The following TPX2 variants were observed in gnomAD, a reference collection of about 807,000 sequenced individuals.
TPX2 encodes the protein TPX2 microtubule nucleation factor, also known as targeting protein for Xklp2.
In TPX2, 21 loss-of-function variants were observed where a neutral mutation model predicts 93.6. That is an observed-to-expected ratio of 0.22 (90% CI 0.16 to 0.32). The LOEUF is 0.32. Ranked by LOEUF, TPX2 falls within the 10% of genes least tolerant of loss-of-function variation. The pLI is 1.00. For missense variants in TPX2, 776 were observed against 871.1 expected, an observed-to-expected ratio of 0.89 and a Z score of 1.37; for synonymous variants, 281 against 298.3, an observed-to-expected ratio of 0.94 and a Z score of 0.60.
At chr20:31,754,117 T>C (rs1372537929) in intron 2 of TPX2, among the ~76,000 whole-genome samples, 1 of 152,006 alleles carries the variant, frequency 6.6e-6, no homozygotes, top group Non-Finnish European at 1.5e-5. Context: ...TTTTATTTTT[T>C]GAGACAGAGT....
intron 12 of TPX2, among the ~76,000 whole-genome samples, chr20:31,785,342 C>T (rs1359698118): frequency 2.6e-5 from 4 of 152,112 alleles, no homozygotes; most frequent in Non-Finnish European, 5.9e-5. Context: ...GTGAATACAA[C>T]AAGGGAAAAG....
intron 15 of TPX2, among the ~76,000 whole-genome samples, chr20:31,796,262 A>T (rs1382108557): frequency 6.6e-6 from 1 of 152,184 alleles, no homozygotes; most frequent in Non-Finnish European, 1.5e-5. Context: ...CTTATCTTAC[A>T]CTGGATACTT....
At chr20:31,780,298 C>T (rs974080044) in intron 10 of TPX2, among the ~76,000 whole-genome samples, 6 of 152,126 alleles carry the variant, frequency 3.9e-5, no homozygotes, top group Non-Finnish European at 5.9e-5. Flanking sequence ...GTGATCCGCC[C>T]GCCTCAACCT....
intron 3 of TPX2, among the ~76,000 whole-genome samples, 167 bp downstream of exon 3, chr20:31,757,749 T>C (rs892510357): frequency 6.6e-6 from 1 of 152,264 alleles, no homozygotes; most frequent in Admixed American, 6.5e-5. Flanking sequence ...AAATGCCCAG[T>C]ATTTGGGGAA....
intron 12 of TPX2, among the ~76,000 whole-genome samples, chr20:31,786,224 A>G (rs2062064893): frequency 6.6e-6 from 1 of 152,116 alleles, no homozygotes; most frequent in Non-Finnish European, 1.5e-5. Context: ...CGGCAGAGCT[A>G]GCATACGAAT....
chr20:31,751,688 GGAATTGCTTT>G (rs2061820610), intron 2 of TPX2, among the ~76,000 whole-genome samples: 1 of 152,120 alleles, frequency 6.6e-6, no homozygotes, highest in Non-Finnish European at 1.5e-5. Context: ...TCTGTTAGTT[GGAATTGCTTT>G]TGACTACAGG....
chr20:31,799,303 TG>T (rs2062156048), intron 17 of TPX2, among the ~76,000 whole-genome samples: 1 of 152,288 alleles, frequency 6.6e-6, no homozygotes, highest in South Asian at 2.1e-4. Flanking sequence ...GAAAGGGTCA[TG>T]GGGAGATGTT....
chr20:31,778,803 C>G lies in TPX2; in HGVS notation c.883-10C>G. 6.5e-7 allele frequency: 1 copy of G among 1,533,510 alleles called. No homozygotes were observed. The highest frequency in any genetic ancestry group is 2.3e-5 in the East Asian group (1 of 43,194). 95.0% of individuals were successfully genotyped at this position (1,533,510 alleles called of 1,614,324 possible). A position where few individuals can be genotyped will look rare whatever the true frequency, so the allele number is the denominator to read the frequency against. ...ACATTTCATTTGGGGAACAACTTTT[C>G]TCTTTACAGGCCCGAGTGACTAAGG... On this transcript the variant is annotated splice_polypyrimidine_tract_variant and intron_variant, in intron 9 of 17. Coordinates refer to ENST00000300403, the MANE Select transcript of TPX2 (RefSeq NM_012112.5).
rs367591475 is a variant in TPX2, at chr20:31,766,549, T to A, written c.230-7T>A. 1.2e-6 allele frequency: 2 copies of A among 1,607,398 alleles called. No homozygotes were observed. Among genetic ancestry groups the A allele is most frequent in the Non-Finnish European group, 1.7e-6 (2 of 1,176,310 alleles). On this transcript the variant is annotated splice_polypyrimidine_tract_variant and splice_region_variant and intron_variant, in intron 4 of 17. Coordinates refer to ENST00000300403, the MANE Select transcript of TPX2 (RefSeq NM_012112.5). ...TTGAGTGCTGACTAGCTTTTGGTCT[T>A]CCGCAGTTGACAACACTTACTACAA... is the stretch of plus-strand genomic sequence containing the variant.
chr20:31,761,491 C>T (rs994643168), intron 4 of TPX2, among the ~76,000 whole-genome samples: 1 of 152,190 alleles, frequency 6.6e-6, no homozygotes, highest in African/African-American at 2.4e-5. Context: ...TGAGCCACTG[C>T]ACCCGGTCAA....
chr20:31,741,137 C>G (rs961881990), intron 1 of TPX2, among the ~76,000 whole-genome samples: 1 of 152,266 alleles, frequency 6.6e-6, no homozygotes, highest in African/African-American at 2.4e-5. Context: ...CAGGGCTCAT[C>G]TACATCTCCT....
chr20:31,790,994 A>G (rs186148591), intron 12 of TPX2, among the ~76,000 whole-genome samples: 12 of 152,254 alleles, frequency 7.9e-5, no homozygotes, highest in Non-Finnish European at 1.3e-4. Context: ...GCTTGAAAAG[A>G]TGAATTGGGT....
chr20:31,759,014 TC>T (rs2061870111), intron 3 of TPX2, among the ~76,000 whole-genome samples: 1 of 152,232 alleles, frequency 6.6e-6, no homozygotes, highest in African/African-American at 2.4e-5. Flanking sequence ...TATTTTTTTT[TC>T]TTTTTGTTTT....
At chr20:31,764,767 A>T (rs1292057114) in intron 4 of TPX2, among the ~76,000 whole-genome samples, 1 of 152,114 alleles carries the variant, frequency 6.6e-6, no homozygotes, top group African/African-American at 2.4e-5. Context: ...TTTCTTTAGG[A>T]GATGAACCAA....
chr20:31,746,126 A>C (rs1350705275), intron 2 of TPX2, among the ~76,000 whole-genome samples: 2 of 152,210 alleles, frequency 1.3e-5, no homozygotes, highest in Non-Finnish European at 2.9e-5. Flanking sequence ...TTGTCATTGG[A>C]TTTTAAATTG....
intron 2 of TPX2, among the ~76,000 whole-genome samples, chr20:31,751,081 G>A (rs2061816876): frequency 1.3e-5 from 2 of 152,092 alleles, no homozygotes; most frequent in Non-Finnish European, 2.9e-5. Flanking sequence ...CTACTTAGGA[G>A]GGGTTGAGGA....
At position 31,765,526 on chromosome 20, in the gene TPX2, G is replaced by T. The variant is rs151065066; in HGVS notation, c.230-1030G>T. Among the ~76,000 whole-genome samples the T allele has an allele frequency of 4.6e-5, 7 of 152,066 alleles. No homozygotes were observed. In the East Asian group the frequency reaches 1.4e-3, roughly 29 times the overall value. On this transcript the variant is annotated intron_variant, in intron 4 of 17. Transcript: ENST00000300403. ...GGATCTCACTGTGTTGCCCAAGCTG[G>T]TCTCAAAATCCTGGGCTCAAGTGAT...
At chr20:31,760,346 T>TA (rs1415534992) in intron 4 of TPX2, among the ~76,000 whole-genome samples, 167 bp downstream of exon 4, 14 of 150,772 alleles carry the variant, frequency 9.3e-5, no homozygotes, top group East Asian at 1.9e-4. Flanking sequence ...GTGCTACACT[T>TA]AAAAAAAAAT....
intron 2 of TPX2, among the ~76,000 whole-genome samples, chr20:31,748,629 A>G (rs2122955220): frequency 6.6e-6 from 1 of 152,324 alleles, no homozygotes; most frequent in Middle Eastern, 3.4e-3. Flanking sequence ...AGCAATGTTT[A>G]TAGGAAAACT....
Sources: allele counts gnomAD v4.1 joint callset (sites outside exome capture counted in the v4.1 genomes callset), GRCh38; gene constraint gnomAD v4.1.1; transcripts MANE v1.5; gene names NCBI Gene and HGNC (gene_info 2026-07-23, HGNC 2026-07-21).